Variants in YAE1 observed in about 807,000 individuals in gnomAD.
YAE1 encodes the protein protein YAE1 homolog.
YAE1 carries 22 observed loss-of-function variants against 23.0 expected under a neutral mutation model. That is an observed-to-expected ratio of 0.96 (90% CI 0.68 to 1.37). The LOEUF (loss-of-function observed/expected upper bound fraction) is 1.37. YAE1 is among the 40% of genes most tolerant of loss of function. The pLI is 0.00. For synonymous variants in YAE1, 101 were observed against 97.0 expected (o/e 1.04, Z -0.24); for missense variants, 260 against 262.1 (o/e 0.99, Z 0.06).
intron 2 of YAE1, among the ~76,000 whole-genome samples, chr7:39,602,884 G>A (rs976732508): frequency 6.6e-6 from 1 of 152,146 alleles, no homozygotes; most frequent in Non-Finnish European, 1.5e-5. Context: ...GAGTAGCTGG[G>A]ATTACAGGCG....
At chr7:39,569,094 T>C (rs1375535702) in intron 1 of YAE1, among the ~76,000 whole-genome samples, 2 of 152,176 alleles carry the variant, frequency 1.3e-5, no homozygotes, top group Non-Finnish European at 2.9e-5. Flanking sequence ...TTTTCAAAAC[T>C]CAGATTTGAA....
chr7:39,575,446 A>C (rs1368275039), downstream of YAE1, among the ~76,000 whole-genome samples: 1 of 152,020 alleles, frequency 6.6e-6, no homozygotes, highest in Non-Finnish European at 1.5e-5. Flanking sequence ...CCAAAATAAA[A>C]GCCTTCAGCC....
chr7:39,590,311 A>C (rs182257513), intron 2 of YAE1, among the ~76,000 whole-genome samples: 1 of 149,754 alleles, frequency 6.7e-6, no homozygotes, highest in East Asian at 1.9e-4. Flanking sequence ...CATGAAATTA[A>C]ATTATTTTTT....
chr7:39,593,331 C>A (rs974950012), intron 2 of YAE1, among the ~76,000 whole-genome samples: 1 of 151,692 alleles, frequency 6.6e-6, no homozygotes, highest in Non-Finnish European at 1.5e-5. Flanking sequence ...ATTGCAGGTG[C>A]CTGCCACCAT....
downstream of YAE1, among the ~76,000 whole-genome samples, chr7:39,575,525 G>C (rs144083182): frequency 2.7e-4 from 39 of 145,076 alleles, no homozygotes; most frequent in Non-Finnish European, 4.9e-4. Context: ...TAAGTTTCCA[G>C]TCTAAGATAC....
chr7:39,608,763 G>A (rs564983055), intron 2 of YAE1, among the ~76,000 whole-genome samples: 2 of 152,150 alleles, frequency 1.3e-5, no homozygotes, highest in Non-Finnish European at 2.9e-5. Flanking sequence ...ACTGATAAGG[G>A]ATCCACCAAT....
At chr7:39,591,269 T>C (rs1790897308) in intron 2 of YAE1, among the ~76,000 whole-genome samples, 1 of 152,194 alleles carries the variant, frequency 6.6e-6, no homozygotes, top group Non-Finnish European at 1.5e-5. Context: ...GGGGACACAA[T>C]TCAGTGCAAA....
chr7:39,585,366 A>AT (rs1326516815), intron 2 of YAE1, among the ~76,000 whole-genome samples: 1 of 152,162 alleles, frequency 6.6e-6, no homozygotes, highest in Admixed American at 6.5e-5. Context: ...CAGTATCCTT[A>AT]TAAGAAGAGG....
At chr7:39,569,679 C>G in intron 1 of YAE1, 1 of 692,968 alleles carries the variant, frequency 1.4e-6, no homozygotes, top group Non-Finnish European at 2.8e-6. Flanking sequence ...CACTGGCAAT[C>G]CAATGTCTTC....
At chr7:39,607,960 C>A (rs962606690) in intron 2 of YAE1, among the ~76,000 whole-genome samples, 4 of 152,178 alleles carry the variant, frequency 2.6e-5, no homozygotes, top group African/African-American at 9.7e-5. Flanking sequence ...TGAGCCAGGG[C>A]GCCTGGCCGT....
At chr7:39,607,603 G>A (rs1457381924) in intron 2 of YAE1, among the ~76,000 whole-genome samples, 2 of 152,204 alleles carry the variant, frequency 1.3e-5, no homozygotes, top group African/African-American at 4.8e-5. Flanking sequence ...GTTGTTTTAA[G>A]CCATTAAGTT....
chr7:39,588,126 T>A (rs145813498), intron 2 of YAE1, among the ~76,000 whole-genome samples: 15 of 152,364 alleles, frequency 9.8e-5, no homozygotes, highest in Non-Finnish European at 1.9e-4. Context: ...TTAATTAACA[T>A]ATTTCTGTGG....
chr7:39,572,724 T>C lies in YAE1; in HGVS notation c.*18T>C. On this transcript the variant is annotated 3_prime_UTR_variant, in exon 3 of 3. Transcript: ENST00000223273. ...AACTATAAAATTACCTTCCCTTTTCTAATGAAAATAATGTTCAGAACATTT... is the reference window on the plus strand; with the variant it reads ...AACTATAAAATTACCTTCCCTTTTCCAATGAAAATAATGTTCAGAACATTT... 1.3e-6 allele frequency: 2 copies of C among 1,542,792 alleles called. No individual in the cohort carries two copies. The highest frequency in any genetic ancestry group is 1.7e-6 in the Non-Finnish European group (2 of 1,151,444).
intron 2 of YAE1, among the ~76,000 whole-genome samples, chr7:39,600,179 A>G (rs1791036079): frequency 6.6e-6 from 1 of 152,202 alleles, no homozygotes; most frequent in South Asian, 2.1e-4. Context: ...AGGAAATAGA[A>G]GAACCACTAA....
intron 2 of YAE1, among the ~76,000 whole-genome samples, chr7:39,586,063 G>A (rs986548341): frequency 1.3e-5 from 2 of 152,074 alleles, no homozygotes; most frequent in Non-Finnish European, 2.9e-5. Flanking sequence ...TCGCACCACC[G>A]CACTCCAGCC....
downstream of YAE1, among the ~76,000 whole-genome samples, chr7:39,611,410 C>G (rs947258552): frequency 1.3e-5 from 2 of 152,216 alleles, no homozygotes; most frequent in African/African-American, 4.8e-5. Context: ...AAGGTCTCCC[C>G]TGGAGCAGGA....
At chr7:39,596,112 A>G (rs1048013618) in intron 2 of YAE1, among the ~76,000 whole-genome samples, 1 of 152,234 alleles carries the variant, frequency 6.6e-6, no homozygotes, top group African/African-American at 2.4e-5. Context: ...TAGAGTTTGC[A>G]AAAGAGAGGC....
chr7:39,594,524 G>A (rs988380288), intron 2 of YAE1, among the ~76,000 whole-genome samples: 1 of 150,960 alleles, frequency 6.6e-6, no homozygotes, highest in Non-Finnish European at 1.5e-5. Context: ...TTTTTTTATT[G>A]CTTTGTTCAG....
chr7:39,592,681 T>A (rs1790917942), intron 2 of YAE1, among the ~76,000 whole-genome samples: 1 of 151,392 alleles, frequency 6.6e-6, no homozygotes, highest in African/African-American at 2.5e-5. Context: ...TTTAAACATA[T>A]GATTCATTAC....
Sources: allele counts gnomAD v4.1 joint callset (sites outside exome capture counted in the v4.1 genomes callset), GRCh38; gene constraint gnomAD v4.1.1; transcripts MANE v1.5; gene names NCBI Gene and HGNC (gene_info 2026-07-23, HGNC 2026-07-21).